The following KMO variants were observed in gnomAD, a reference collection of about 807,000 sequenced individuals.
KMO encodes the protein kynurenine 3-monooxygenase, also known as kynurenine 3-hydroxylase.
In KMO, 24 loss-of-function variants were observed where a neutral mutation model predicts 57.8. The observed-to-expected ratio is 0.42, with a 90% CI of 0.30 to 0.58. The LOEUF is 0.58. KMO is among the 20% of genes least tolerant of loss of function. KMO has a pLI of 0.22. For missense variants in KMO, 483 were observed against 588.2 expected, an observed-to-expected ratio of 0.82 and a Z score of 1.85; for synonymous variants, 210 against 193.6, an observed-to-expected ratio of 1.08 and a Z score of -0.70.
At chr1:241,586,787 T>C (rs1197906101) in intron 11 of KMO, 51 bp downstream of exon 11, 8 of 1,293,114 alleles carry the variant, frequency 6.2e-6, no homozygotes, top group South Asian at 2.6e-5. Context: ...TTCTGACTAA[T>C]TGTGGGCTTA....
Position 241,592,193 on chromosome 1 carries a change from G to T in KMO, c.*40G>T. The T allele has an allele frequency of 1.3e-6, 2 of 1,492,786 alleles. No individual in the cohort carries two copies. The highest frequency in any genetic ancestry group is 2.3e-5 in the South Asian group (2 of 87,360). 92.5% of individuals were successfully genotyped at this position (1,492,786 alleles called of 1,614,324 possible). A position where few individuals can be genotyped will look rare whatever the true frequency, so the allele number is the denominator to read the frequency against. ...GGTAGCAAATGCATGATTTCTCTGT[G>T]ACCAAAATTAAGCATGAAAAAAATG... On this transcript the variant is annotated 3_prime_UTR_variant, in exon 15 of 15. Coordinates refer to ENST00000366559, the MANE Select transcript of KMO (RefSeq NM_003679.5).
intron 10 of KMO, among the ~76,000 whole-genome samples, chr1:241,573,772 A>G (rs1480515658): frequency 6.6e-6 from 1 of 151,908 alleles, no homozygotes; most frequent in African/African-American, 2.4e-5. Context: ...GAGCCTTAGA[A>G]TTGTTTTTGT....
Position 241,548,241 on chromosome 1 carries a change from G to A in KMO, c.55-588G>A, listed in dbSNP as rs1203529813. Reference sequence around the variant, plus strand: ...AGCCCAGGAGTTTGAGACCAGACTGGGCAACATAGTGAGACCCCATCTCTA... The same window carrying A: ...AGCCCAGGAGTTTGAGACCAGACTGAGCAACATAGTGAGACCCCATCTCTA... On this transcript the variant is annotated intron_variant, in intron 1 of 14. Coordinates refer to ENST00000366559, the MANE Select transcript of KMO (RefSeq NM_003679.5). Among the ~76,000 whole-genome samples, 4 of 152,052 alleles carry A rather than the reference G, an allele frequency of 2.6e-5. No individual in the cohort carries two copies. The East Asian group carries it at 7.7e-4, about 29-fold the overall frequency.
In KMO at chr1:241,548,986, G is replaced by T. The variant is rs1661265392; in HGVS notation, c.124+88G>T. 20 of 837,202 alleles carry T rather than the reference G, an allele frequency of 2.4e-5. No homozygotes were observed. In the South Asian group the frequency reaches 2.8e-4, roughly 12 times the overall value. The allele number at this position is 837,202 out of a possible 1,614,324, so 51.9% of individuals were successfully genotyped here. On this transcript the variant is annotated intron_variant, in intron 2 of 14. Coordinates refer to ENST00000366559, the MANE Select transcript of KMO (RefSeq NM_003679.5). ...GGCCAGGGCACATGGATCGCTTGAG[G>T]CCGGGAGTTTGAGACCAGCCTGGGC...
At chr1:241,537,331 C>T (rs1429384254) in intron 1 of KMO, among the ~76,000 whole-genome samples, 1 of 152,178 alleles carries the variant, frequency 6.6e-6, no homozygotes, top group Non-Finnish European at 1.5e-5. Context: ...GTCCTCAGTG[C>T]ATATGAACCA....
chr1:241,594,274 G>A lies in KMO; in HGVS notation c.*2121G>A, dbSNP rs1663426391. 3 of 777,434 alleles carry A rather than the reference G, an allele frequency of 3.9e-6. No individual in the cohort carries two copies. Among genetic ancestry groups the A allele is most frequent in the Admixed American group, 5.8e-5 (2 of 34,330 alleles). The allele number at this position is 777,434 out of a possible 1,614,324, so 48.2% of individuals were successfully genotyped here. A position where few individuals can be genotyped will look rare whatever the true frequency, so the allele number is the denominator to read the frequency against. On this transcript the variant is annotated 3_prime_UTR_variant, in exon 15 of 15. Transcript: ENST00000366559. ...ATTTGTTTTTGTTCAACCTCTTCCT[G>A]AGGCCCAAGAGCATATGGGCAATTC...
intron 4 of KMO, among the ~76,000 whole-genome samples, chr1:241,552,984 C>T (rs1051599362): frequency 6.6e-6 from 1 of 152,114 alleles, no homozygotes; most frequent in African/African-American, 2.4e-5. Context: ...GAAATGGCTC[C>T]CCCTTAGTAG....
chr1:241,550,911 C>G, intron 3 of KMO, 44 bp from the exon 4 acceptor site: 1 of 845,678 alleles, frequency 1.2e-6, no homozygotes, highest in Non-Finnish European at 1.8e-6. Flanking sequence ...TTGCATAATG[C>G]CATGTTACTG....
chr1:241,584,267 A>G (rs1389766613), intron 10 of KMO, among the ~76,000 whole-genome samples: 2 of 152,202 alleles, frequency 1.3e-5, no homozygotes, highest in Admixed American at 6.5e-5. Flanking sequence ...ATCACTGGTC[A>G]TCAGAGAAAT....
chr1:241,549,202 GAAGAAAGAAAGA>G (rs71570903), intron 2 of KMO, among the ~76,000 whole-genome samples: 11 of 19,926 alleles, frequency 5.5e-4, no homozygotes, highest in African/African-American at 1.8e-3. Context: ...GAAAGAAAAG[GAAGAAAGAAAGA>G]AAGAAAGAAA....
chr1:241,542,971 C>T (rs969969629), intron 1 of KMO, among the ~76,000 whole-genome samples: 4 of 152,150 alleles, frequency 2.6e-5, no homozygotes, highest in African/African-American at 4.8e-5. Context: ...GCTGAACCGA[C>T]GTAACACCTA....
chr1:241,557,726 G>A (rs61825641), intron 5 of KMO, among the ~76,000 whole-genome samples: 27,194 of 152,146 alleles, frequency 0.18, 2,842 homozygotes, highest in Middle Eastern at 0.25. Flanking sequence ...ACCTTGGTAG[G>A]CTGAGGAGGG....
chr1:241,543,129 A>G (rs1307244273), intron 1 of KMO, among the ~76,000 whole-genome samples: 2 of 152,136 alleles, frequency 1.3e-5, no homozygotes, highest in East Asian at 1.9e-4. Context: ...ATTAATAATA[A>G]TAACAATAAG....
rs770527104 is a variant in KMO, at chr1:241,562,263, C to T, written c.546C>T (p.Arg182=). ...TVRSHLMKKP[R]FDYSQQYIPH... Reference sequence around the variant, plus strand: ...GATCTCACCTGATGAAGAAACCTCGCTTTGATTACAGTCAGCAGTACATTC... The same window carrying T: ...GATCTCACCTGATGAAGAAACCTCGTTTTGATTACAGTCAGCAGTACATTC... The change falls in exon 7 of 15, where the codon CGC becomes CGT. Residue 182 remains arginine (R), a synonymous_variant. Transcript: ENST00000366559. The T allele has an allele frequency of 1.2e-6, 2 of 1,614,160 alleles. No individual in the cohort carries two copies. Among genetic ancestry groups the T allele is most frequent in the Non-Finnish European group, 1.7e-6 (2 of 1,179,984 alleles).
At chr1:241,533,081 A>G (rs1392466044) in intron 1 of KMO, among the ~76,000 whole-genome samples, 1 of 152,220 alleles carries the variant, frequency 6.6e-6, no homozygotes, top group East Asian at 1.9e-4. Context: ...CTCACTGAGC[A>G]CGTGACGTAA....
At chr1:241,588,910 C>G in intron 12 of KMO, 80 bp downstream of exon 12, 2 of 1,009,010 alleles carry the variant, frequency 2.0e-6, no homozygotes, top group East Asian at 4.9e-5. Flanking sequence ...TTCTTTGCTT[C>G]AGCCCCCATC....
At chr1:241,591,216 A>T (rs1252365508) in intron 14 of KMO, among the ~76,000 whole-genome samples, 1 of 152,172 alleles carries the variant, frequency 6.6e-6, no homozygotes, top group African/African-American at 2.4e-5. Context: ...AAGTGCGGGG[A>T]TAGAAATAGG....
intron 10 of KMO, among the ~76,000 whole-genome samples, chr1:241,579,871 T>A (rs910272916): frequency 1.3e-5 from 2 of 152,184 alleles, no homozygotes; most frequent in Admixed American, 1.3e-4. Context: ...CTGAGTTAGC[T>A]TGCAGACTTC....
At chr1:241,548,284 T>A (rs1168293870) in intron 1 of KMO, among the ~76,000 whole-genome samples, 3 of 151,984 alleles carry the variant, frequency 2.0e-5, no homozygotes, top group African/African-American at 4.8e-5. Context: ...ACTTAAAAAA[T>A]TTTTAATGGG....
Sources: gnomAD v4.1 joint callset for allele counts (sites outside exome capture counted in the v4.1 genomes callset) on GRCh38, gnomAD v4.1.1 for gene constraint, MANE v1.5 for transcripts, NCBI Gene and HGNC (gene_info 2026-07-23, HGNC 2026-07-21) for gene names.